RPH3A: variants seen among roughly 807,000 people sequenced by gnomAD.
RPH3A encodes rabphilin-3A.
In RPH3A, 48 loss-of-function variants were observed where a neutral mutation model predicts 102.2. That is an observed-to-expected ratio of 0.47 (90% CI 0.37 to 0.60). The LOEUF is 0.60. Ranked by LOEUF, RPH3A falls within the 20% of genes least tolerant of loss-of-function variation. The pLI, the probability that RPH3A is intolerant of heterozygous loss-of-function variation, is 0.00. For synonymous variants in RPH3A, 310 were observed against 324.3 expected, an observed-to-expected ratio of 0.96 and a Z score of 0.47; for missense variants, 781 against 910.1, an observed-to-expected ratio of 0.86 and a Z score of 1.83.
chr12:112,648,418 A>G (rs2039947625), intron 1 of RPH3A, among the ~76,000 whole-genome samples: 1 of 151,202 alleles, frequency 6.6e-6, no homozygotes, highest in Non-Finnish European at 1.5e-5. Flanking sequence ...TTGTTTCTGT[A>G]GGTGACATTC....
chr12:112,765,543 T>C (rs111509527), intron 1 of RPH3A, among the ~76,000 whole-genome samples: 149 of 152,258 alleles, frequency 9.8e-4, no homozygotes, highest in African/African-American at 3.2e-3. Flanking sequence ...CCATATTACA[T>C]TGTGGTCTTG....
At chr12:112,607,765 T>C (rs929902364) in intron 1 of RPH3A, among the ~76,000 whole-genome samples, 3 of 152,240 alleles carry the variant, frequency 2.0e-5, no homozygotes, top group African/African-American at 7.2e-5. Context: ...TTGTCTTAGC[T>C]TCTCTCTGCA....
intron 16 of RPH3A, 96 bp from the exon 17 acceptor site, chr12:112,887,701 C>A: frequency 1.5e-6 from 2 of 1,302,852 alleles, no homozygotes; most frequent in Non-Finnish European, 2.1e-6. Flanking sequence ...ACATACATTA[C>A]ACATTCCTTA....
intron 1 of RPH3A, among the ~76,000 whole-genome samples, chr12:112,577,303 G>A (rs1295988368): frequency 2.0e-5 from 3 of 152,198 alleles, no homozygotes; most frequent in Non-Finnish European, 4.4e-5. Flanking sequence ...CTATGAAAGG[G>A]GTAGGCAGTT....
intron 1 of RPH3A, among the ~76,000 whole-genome samples, chr12:112,730,030 C>T (rs1230807174): frequency 2.0e-5 from 3 of 152,164 alleles, no homozygotes; most frequent in Admixed American, 6.6e-5. Context: ...TACACACACA[C>T]ACAGAACACC....
intron 7 of RPH3A, among the ~76,000 whole-genome samples, chr12:112,867,743 C>G (rs2042636646): frequency 6.6e-6 from 1 of 152,212 alleles, no homozygotes; most frequent in African/African-American, 2.4e-5. Flanking sequence ...ACCGTAGTCC[C>G]ACCCTCCTCT....
At chr12:112,732,668 AC>A (rs1348357249) in intron 1 of RPH3A, among the ~76,000 whole-genome samples, 1 of 152,102 alleles carries the variant, frequency 6.6e-6, no homozygotes, top group East Asian at 1.9e-4. Flanking sequence ...GCTTCAGCTG[AC>A]CCCACAGAGC....
intron 1 of RPH3A, among the ~76,000 whole-genome samples, chr12:112,754,277 CTGTG>C (rs1045883986): frequency 6.6e-6 from 1 of 152,028 alleles, no homozygotes; most frequent in African/African-American, 2.4e-5. Context: ...ACACCCTCTT[CTGTG>C]TGTGTGTGTT....
intron 2 of RPH3A, among the ~76,000 whole-genome samples, chr12:112,794,389 A>G (rs1230485320): frequency 6.6e-6 from 1 of 152,158 alleles, no homozygotes; most frequent in Non-Finnish European, 1.5e-5. Context: ...TTGAGAATTT[A>G]TCCTGTGTCG....
Position 112,785,390 on chromosome 12 carries a change from T to C in RPH3A, c.-139-6753T>C, listed in dbSNP as rs534092989. 1.4e-4 allele frequency among the ~76,000 whole-genome samples: 21 copies of C among 152,234 alleles called. No individual in the cohort carries two copies. In the East Asian group the frequency reaches 3.7e-3, roughly 27 times the overall value. Reference sequence around the variant, plus strand: ...AATGACATTAAGTCACTGCTGTAAGTGGGAATATAATAATTTTCTAATGTG... The same window carrying C: ...AATGACATTAAGTCACTGCTGTAAGCGGGAATATAATAATTTTCTAATGTG... On this transcript the variant is annotated intron_variant, in intron 1 of 21. Transcript: ENST00000543106.
chr12:112,713,102 T>TCTTCTTCTTCTTCTTCTCCTTCTTC (rs575141531), intron 1 of RPH3A, among the ~76,000 whole-genome samples: 1 of 135,552 alleles, frequency 7.4e-6, no homozygotes, highest in Non-Finnish European at 1.6e-5. Context: ...TTCTTCTTCT[T>TCTTCTTCTTCTTCTTCTCCTTCTTC]TTATTTTTTT....
intron 1 of RPH3A, among the ~76,000 whole-genome samples, chr12:112,760,822 C>T (rs1281016449): frequency 6.6e-6 from 1 of 152,184 alleles, no homozygotes; most frequent in African/African-American, 2.4e-5. Flanking sequence ...TCAGTCACGG[C>T]TCTCTGCATC....
chr12:112,581,413 T>A (rs2039400195), intron 1 of RPH3A, among the ~76,000 whole-genome samples: 2 of 152,130 alleles, frequency 1.3e-5, no homozygotes, highest in African/African-American at 2.4e-5. Context: ...GTCCCTCCCA[T>A]GACATGGGAA....
At chr12:112,860,243 A>G (rs2042484539) in intron 5 of RPH3A, among the ~76,000 whole-genome samples, 3 of 152,172 alleles carry the variant, frequency 2.0e-5, no homozygotes, top group Non-Finnish European at 4.4e-5. Flanking sequence ...CTCCCTGCTC[A>G]TTCTCAGTCT....
Position 112,896,731 on chromosome 12 carries a change from T to C in RPH3A, c.2036T>C (p.Ile679Thr). Residue 679 changes from isoleucine to threonine, a missense_variant, in exon 22 of 22, where the codon ATA becomes ACA. Physicochemically the swap from Ile to Thr is moderately conservative, Grantham distance 89. Around this residue, in one of 2 missense-constraint regions of RPH3A, gnomAD observed 51 missense variants for 100.1 expected, o/e 0.51. Transcript: ENST00000389385. ...YECLKNKDKKIERWHQLQNEN... is the reference protein window; with the variant it reads ...YECLKNKDKKTERWHQLQNEN... ...TGTCTGAAAAATAAAGACAAGAAGA[T>C]AGAGCGCTGGCACCAGCTACAGAAT... is the stretch of plus-strand genomic sequence containing the variant. 1 of 1,614,142 alleles carries C rather than the reference T, an allele frequency of 6.2e-7. No individual in the cohort carries two copies. Among genetic ancestry groups the C allele is most frequent in the South Asian group, 1.1e-5 (1 of 91,080 alleles).
intron 1 of RPH3A, among the ~76,000 whole-genome samples, chr12:112,656,556 A>G (rs918723377): frequency 1.3e-5 from 2 of 152,124 alleles, no homozygotes; most frequent in East Asian, 1.9e-4. Context: ...TAATTTTTCA[A>G]TACTCAATCC....
At chr12:112,719,479 A>G (rs1293721709) in intron 1 of RPH3A, among the ~76,000 whole-genome samples, 2 of 152,164 alleles carry the variant, frequency 1.3e-5, no homozygotes, top group African/African-American at 2.4e-5. Flanking sequence ...ACATTTTGAG[A>G]GCACCATTTA....
chr12:112,826,140 G>C (rs12319529), intron 2 of RPH3A, among the ~76,000 whole-genome samples: 1 of 152,124 alleles, frequency 6.6e-6, no homozygotes, highest in East Asian at 1.9e-4. Context: ...GGTCAGGGAG[G>C]CCCTCTTGGA....
At chr12:112,618,710 A>T (rs1007450403) in intron 1 of RPH3A, among the ~76,000 whole-genome samples, 8 of 152,186 alleles carry the variant, frequency 5.3e-5, no homozygotes, top group African/African-American at 1.9e-4. Flanking sequence ...TTGAGATATA[A>T]TTCTTATACC....
Sources: allele counts gnomAD v4.1 joint callset (sites outside exome capture counted in the v4.1 genomes callset), GRCh38; gene constraint gnomAD v4.1.1; regional missense constraint gnomAD v4.1.1; transcripts MANE v1.5; gene names NCBI Gene and HGNC (gene_info 2026-07-23, HGNC 2026-07-21).